ENKUR: variants seen among roughly 807,000 people sequenced by gnomAD.
ENKUR encodes enkurin.
Under a neutral mutation model 27.6 loss-of-function variants are expected in ENKUR, and 19 were observed. That is an observed-to-expected ratio of 0.69 (90% CI 0.48 to 1.01). The LOEUF is 1.01. Among genes scored for constraint, ENKUR ranks in the 50% least tolerant of loss-of-function variants. The pLI, the probability that ENKUR is intolerant of heterozygous loss-of-function variation, is 0.00. For missense variants in ENKUR, 312 were observed against 310.5 expected (o/e 1.00, Z -0.04); for synonymous variants, 117 against 96.9 (o/e 1.21, Z -1.22).
Position 25,015,890 on chromosome 10 carries a change from CT to C in ENKUR, c.46del (p.Ser16ValfsTer3). The C allele has an allele frequency of 6.2e-7, 1 of 1,606,368 alleles. No homozygotes were observed. Among genetic ancestry groups the C allele is most frequent in the East Asian group, 2.2e-5 (1 of 44,538 alleles). On this transcript the variant is annotated frameshift_variant, in exon 1 of 6. Coordinates refer to ENST00000331161, the MANE Select transcript of ENKUR (RefSeq NM_145010.4). LOFTEE classifies it high-confidence loss of function. ...AGGCTGGGGAGGCTCCTTCAAGTCA[CT>C]GGGTATGAGGTTATAAATGCACTCA... ...SSECIYNLIP[S>X]DLKEPPQPPR...
At chr10:24,985,760 A>G (rs1464226886) in intron 4 of ENKUR, among the ~76,000 whole-genome samples, 1 of 152,246 alleles carries the variant, frequency 6.6e-6, no homozygotes, top group African/African-American at 2.4e-5. Flanking sequence ...ACACTTTTTA[A>G]TTATTCATTA....
At chr10:25,016,606 A>G (rs1201503025), upstream of ENKUR, 1 of 152,288 alleles carries the variant, frequency 6.6e-6, no homozygotes, top group Non-Finnish European at 1.5e-5. Context: ...CCGCTCGGGG[A>G]AGGGCGTGGA....
chr10:25,007,241 G>A (rs184136548), intron 1 of ENKUR, among the ~76,000 whole-genome samples: 168 of 152,080 alleles, frequency 1.1e-3, no homozygotes, highest in African/African-American at 3.9e-3. Context: ...TTCTGTAACC[G>A]AATAATCTAA....
intron 2 of ENKUR, chr10:25,023,912 C>G (rs763463504): frequency 1.2e-6 from 2 of 1,614,054 alleles, no homozygotes; most frequent in Non-Finnish European, 1.7e-6. Flanking sequence ...GACTCGGAAA[C>G]ATTCATTTCA....
chr10:25,010,254 C>T lies in ENKUR; in HGVS notation c.77+5606G>A, dbSNP rs368503843. Among the ~76,000 whole-genome samples, 6 of 152,212 alleles carry T rather than the reference C, an allele frequency of 3.9e-5. No individual in the cohort carries two copies. The East Asian group carries it at 7.7e-4, about 20-fold the overall frequency. ...AAAGGTGACTCTTGCTATGTTTTAG[C>T]AAAGAGACTGGTGGCATTTTGCCCC... On this transcript the variant is annotated intron_variant, in intron 1 of 5. Coordinates refer to ENST00000331161, the MANE Select transcript of ENKUR (RefSeq NM_145010.4).
At chr10:24,996,102 A>G (rs1360664693) in intron 2 of ENKUR, among the ~76,000 whole-genome samples, 1 of 152,226 alleles carries the variant, frequency 6.6e-6, no homozygotes, top group Non-Finnish European at 1.5e-5. Context: ...TTTAAAAAGA[A>G]AAAAAGTCAG....
At chr10:25,007,766 C>A (rs1588661808) in intron 1 of ENKUR, among the ~76,000 whole-genome samples, 1 of 151,916 alleles carries the variant, frequency 6.6e-6, no homozygotes, top group African/African-American at 2.4e-5. Context: ...GGCAGTAACT[C>A]AAAATAAACA....
At chr10:25,028,942 G>T (rs1220869077) in intron 2 of ENKUR, among the ~76,000 whole-genome samples, 1 of 152,048 alleles carries the variant, frequency 6.6e-6, no homozygotes, top group East Asian at 1.9e-4. Context: ...TACTTTATGT[G>T]TTATCCCATG....
chr10:25,060,061 T>A (rs1034004561), intron 2 of ENKUR, among the ~76,000 whole-genome samples: 2 of 152,176 alleles, frequency 1.3e-5, no homozygotes, highest in African/African-American at 4.8e-5. Context: ...TATGCAACCC[T>A]TTTATCTGCC....
In ENKUR at chr10:24,983,087, A is replaced by T; in HGVS notation, c.*1283T>A. On this transcript the variant is annotated 3_prime_UTR_variant, in exon 6 of 6. Coordinates refer to ENST00000331161, the MANE Select transcript of ENKUR (RefSeq NM_145010.4). ...TTGGCAGAGAAAGACTGCCTGGATC[A>T]ACAGAGTCACCAGACAAAAGGAGAC... is the stretch of plus-strand genomic sequence containing the variant. 1 of 152,234 alleles carries T rather than the reference A, an allele frequency of 6.6e-6. No homozygotes were observed. The highest frequency in any genetic ancestry group is 1.9e-4 in the East Asian group (1 of 5,196). 9.4% of individuals were successfully genotyped at this position (152,234 alleles called of 1,614,324 possible). A position where few individuals can be genotyped will look rare whatever the true frequency, so the allele number is the denominator to read the frequency against.
chr10:25,057,890 A>AG (rs1157268832), intron 2 of ENKUR, among the ~76,000 whole-genome samples: 1 of 152,134 alleles, frequency 6.6e-6, no homozygotes, highest in Non-Finnish European at 1.5e-5. Flanking sequence ...AACTTTACCT[A>AG]GTGTTTACAT....
At chr10:25,025,208 T>C (rs772647557) in intron 2 of ENKUR, 1 of 1,614,186 alleles carries the variant, frequency 6.2e-7, no homozygotes, top group Middle Eastern at 1.6e-4. Flanking sequence ...CCTGTGATTA[T>C]CTCATCTACA....
intron 2 of ENKUR, chr10:25,061,006 G>C: frequency 9.2e-7 from 1 of 1,084,558 alleles, no homozygotes; most frequent in Non-Finnish European, 1.3e-6. Flanking sequence ...GAGCCACTGG[G>C]CCTGGCCCTT....
rs1335133156 is a variant in ENKUR, at chr10:24,982,467, AG to A, written c.*1902del. 6.6e-6 allele frequency: 1 copy of A among 152,198 alleles called. No individual in the cohort carries two copies. Among genetic ancestry groups the A allele is most frequent in the Non-Finnish European group, 1.5e-5 (1 of 68,036 alleles). 9.4% of individuals were successfully genotyped at this position (152,198 alleles called of 1,614,324 possible). A position where few individuals can be genotyped will look rare whatever the true frequency, so the allele number is the denominator to read the frequency against. On this transcript the variant is annotated 3_prime_UTR_variant, in exon 6 of 6. Coordinates refer to ENST00000331161, the MANE Select transcript of ENKUR (RefSeq NM_145010.4). The stretch of plus-strand genomic sequence containing the variant: ...TATTCTACCCATTCTTCCTTTGAAC[AG>A]GAAGAGAAACCAAGTCAAACTAGCT...
chr10:25,024,486 T>C (rs746853529), intron 2 of ENKUR: 15 of 1,614,184 alleles, frequency 9.3e-6, no homozygotes, highest in Non-Finnish European at 1.2e-5. Context: ...CACAAATAAT[T>C]GGCAGTCAGA....
intron 2 of ENKUR, chr10:25,025,196 G>T (rs777943036): frequency 1.2e-6 from 2 of 1,614,160 alleles, no homozygotes; most frequent in Non-Finnish European, 1.7e-6. Context: ...GACAAAACTT[G>T]CCCTGTGATT....
chr10:25,005,935 T>G (rs1850303684), intron 1 of ENKUR, among the ~76,000 whole-genome samples: 1 of 152,232 alleles, frequency 6.6e-6, no homozygotes, highest in Admixed American at 6.5e-5. Context: ...TATAGCCACA[T>G]GTGGATATTG....
intron 3 of ENKUR, among the ~76,000 whole-genome samples, chr10:24,992,999 T>G (rs1849958528): frequency 6.6e-6 from 1 of 152,162 alleles, no homozygotes; most frequent in African/African-American, 2.4e-5. Context: ...ATACTCTGTT[T>G]AAGAAAGAGA....
At chr10:25,043,857 TTAA>T (rs1851092223) in intron 2 of ENKUR, among the ~76,000 whole-genome samples, 1 of 151,922 alleles carries the variant, frequency 6.6e-6, no homozygotes, top group African/African-American at 2.4e-5. Flanking sequence ...TCTGTTGTTA[TTAA>T]TCACATCTGA....
Sources: allele counts gnomAD v4.1 joint callset (sites outside exome capture counted in the v4.1 genomes callset), GRCh38; gene constraint gnomAD v4.1.1; transcripts MANE v1.5; gene names NCBI Gene and HGNC (gene_info 2026-07-23, HGNC 2026-07-21).